Variants in LRCH1 observed in about 807,000 individuals in gnomAD.
The protein encoded by LRCH1 is leucine rich repeats and calponin homology domain containing 1, also known as leucine-rich repeat and calponin homology domain-containing protein 1.
In LRCH1, 23 loss-of-function variants were observed where a neutral mutation model predicts 94.9. The observed-to-expected ratio is 0.24, with a 90% CI of 0.17 to 0.34. The LOEUF (loss-of-function observed/expected upper bound fraction) is 0.34. Among genes scored for constraint, LRCH1 ranks in the 10% least tolerant of loss-of-function variants. The pLI is 1.00. For synonymous variants in LRCH1, 364 were observed against 354.9 expected (o/e 1.03, Z -0.29); for missense variants, 790 against 945.9 (o/e 0.84, Z 2.16).
intron 2 of LRCH1, among the ~76,000 whole-genome samples, chr13:46,663,503 G>T (rs929933804): frequency 6.6e-6 from 1 of 152,088 alleles, no homozygotes. Flanking sequence ...AAAAGGAAAT[G>T]GTTCTCTATG....
intron 1 of LRCH1, among the ~76,000 whole-genome samples, chr13:46,613,606 A>G (rs189774849): frequency 1.3e-5 from 2 of 152,260 alleles, no homozygotes; most frequent in East Asian, 3.9e-4. Flanking sequence ...CTGGTTGCGC[A>G]TTAGAATCAC....
chr13:46,619,113 T>TGCCTTCCTTCC, intron 1 of LRCH1, among the ~76,000 whole-genome samples: 1 of 91,124 alleles, frequency 1.1e-5, no homozygotes, highest in Admixed American at 1.2e-4. Flanking sequence ...CCTTCCTTCC[T>TGCCTTCCTTCC]TTTTTTTGGT....
chr13:46,686,892 C>T (rs1299097171), intron 5 of LRCH1, among the ~76,000 whole-genome samples: 1 of 151,818 alleles, frequency 6.6e-6, no homozygotes. Context: ...CACTCCAACT[C>T]CAGAATTAAA....
At chr13:46,622,456 A>C (rs557627850) in intron 1 of LRCH1, among the ~76,000 whole-genome samples, 30 of 152,320 alleles carry the variant, frequency 2.0e-4, no homozygotes, top group Middle Eastern at 3.4e-3. Flanking sequence ...CTCATTAAAA[A>C]TCAGTGCAAA....
chr13:46,619,113 T>TTCCTTCCTTCATTCCTTCCTTCCTTCC (rs143168003), intron 1 of LRCH1, among the ~76,000 whole-genome samples: 2 of 91,068 alleles, frequency 2.2e-5, no homozygotes, highest in Admixed American at 1.2e-4. Flanking sequence ...CCTTCCTTCC[T>TTCCTTCCTTCATTCCTTCCTTCCTTCC]TTTTTTTGGT....
At chr13:46,597,450 G>A (rs1457654238) in intron 1 of LRCH1, among the ~76,000 whole-genome samples, 6 of 151,860 alleles carry the variant, frequency 4.0e-5, no homozygotes, top group Non-Finnish European at 7.4e-5. Flanking sequence ...TCCGCCTCCC[G>A]GGTTCAAGCA....
At chr13:46,631,916 T>C (rs1414750936) in intron 1 of LRCH1, among the ~76,000 whole-genome samples, 1 of 152,068 alleles carries the variant, frequency 6.6e-6, no homozygotes, top group East Asian at 1.9e-4. Context: ...TAAGACTTAA[T>C]TCAGGCCGGG....
intron 3 of LRCH1, among the ~76,000 whole-genome samples, chr13:46,673,474 CCATATCATTATTTTTAGCTAT>C (rs1156505983): frequency 6.8e-6 from 1 of 147,764 alleles, no homozygotes; most frequent in Non-Finnish European, 1.5e-5. Context: ...CTATAGGTAA[CCATATCATTATTTTTAGCTAT>C]CAATTGGAAA....
At chr13:46,553,860 G>A (rs974114231) in intron 1 of LRCH1, among the ~76,000 whole-genome samples, 157 bp downstream of exon 1, 1 of 152,232 alleles carries the variant, frequency 6.6e-6, no homozygotes, top group Admixed American at 6.5e-5. Context: ...CGTGGGCGCG[G>A]AAGAAGCGGG....
chr13:46,691,614 G>A (rs2138160386), intron 7 of LRCH1, among the ~76,000 whole-genome samples: 1 of 152,370 alleles, frequency 6.6e-6, no homozygotes, highest in East Asian at 1.9e-4. Context: ...GGTGAAGGGA[G>A]TGCCTCCTGT....
At chr13:46,655,226 T>C (rs1357019528) in intron 2 of LRCH1, among the ~76,000 whole-genome samples, 1 of 152,202 alleles carries the variant, frequency 6.6e-6, no homozygotes, top group African/African-American at 2.4e-5. Context: ...TATGTTGTCT[T>C]TAAATGTCAA....
Position 46,741,790 on chromosome 13 carries a change from A to G in LRCH1, c.2234A>G (p.His745Arg). 1.9e-6 allele frequency: 3 copies of G among 1,614,084 alleles called. No homozygotes were observed. Among genetic ancestry groups the G allele is most frequent in the Non-Finnish European group, 2.5e-6 (3 of 1,180,012 alleles). ...SRDLIGFCLVHILFIVLVYIT... is the reference protein window; with the variant it reads ...SRDLIGFCLVRILFIVLVYIT... ...GACCTTATAGGCTTCTGTCTTGTCC[A>G]TATTCTCTTTATAGTGCTGGTCTAT... Residue 745 changes from histidine to arginine, a missense_variant, in exon 20 of 20, where the codon CAT (histidine) becomes CGT (arginine). Coordinates refer to ENST00000389797, the MANE Select transcript of LRCH1 (RefSeq NM_001164211.2).
Position 46,692,646 on chromosome 13 carries a change from G to A in LRCH1, c.1120+5G>A, listed in dbSNP as rs376383372. On this transcript the variant is annotated splice_donor_5th_base_variant and intron_variant, in intron 8 of 19. Coordinates refer to ENST00000389797, the MANE Select transcript of LRCH1 (RefSeq NM_001164211.2). Reference sequence around the variant, plus strand: ...ATCGCCTTAGCCCCGTTAAAGGTCTGAGAATAAAAATGTGGAGAAAGTGCT... The same window carrying A: ...ATCGCCTTAGCCCCGTTAAAGGTCTAAGAATAAAAATGTGGAGAAAGTGCT... 9 of 1,609,082 alleles carry A rather than the reference G, an allele frequency of 5.6e-6. No individual in the cohort carries two copies. Among genetic ancestry groups the A allele is most frequent in the Non-Finnish European group, 7.7e-6 (9 of 1,176,172 alleles).
chr13:46,623,440 C>T (rs540466960), intron 1 of LRCH1, among the ~76,000 whole-genome samples: 4 of 152,204 alleles, frequency 2.6e-5, no homozygotes, highest in African/African-American at 9.6e-5. Context: ...AATAAAATGT[C>T]TATAAAATGT....
In LRCH1 at chr13:46,691,692, C is replaced by CT. The variant is rs200405998; in HGVS notation, c.1015-836dup. Among the ~76,000 whole-genome samples the CT allele has an allele frequency of 8.8e-3, 1,341 of 151,994 alleles. 21 individuals are homozygous for CT. The highest frequency in any genetic ancestry group is 0.03 in the African/African-American group (1,262 of 41,470). On this transcript the variant is annotated intron_variant, in intron 7 of 19. Coordinates refer to ENST00000389797, the MANE Select transcript of LRCH1 (RefSeq NM_001164211.2). ...AGAGCAACGGAGGAGGTGCCATGCA[C>CT]TTTTTTTTGTTTTTTTAAGACGGAG... is the stretch of plus-strand genomic sequence containing the variant.
intron 1 of LRCH1, among the ~76,000 whole-genome samples, chr13:46,620,775 A>G (rs182350043): frequency 1.3e-5 from 2 of 152,352 alleles, no homozygotes; most frequent in Non-Finnish European, 2.9e-5. Context: ...GTATGACTGT[A>G]CTAAGTTAAC....
In LRCH1 at chr13:46,636,059, C is replaced by CTTT. The variant is rs34118906; in HGVS notation, c.308-14116_308-14114dup. 4.2e-4 allele frequency among the ~76,000 whole-genome samples: 31 copies of CTTT among 73,590 alleles called. 6 individuals are homozygous for CTTT. Among genetic ancestry groups the CTTT allele is most frequent in the African/African-American group, 1.4e-3 (26 of 18,082 alleles). The allele number at this position is 73,590 out of a possible 152,430, so 48.3% of individuals were successfully genotyped here. A position where few individuals can be genotyped will look rare whatever the true frequency, so the allele number is the denominator to read the frequency against. On this transcript the variant is annotated intron_variant, in intron 1 of 19. Transcript: ENST00000389797. ...ACAACATCCAACTTACCATGTCAAC[C>CTTT]TTTTTTTTTTTTTTTTTTTTTTTTT...
intron 1 of LRCH1, among the ~76,000 whole-genome samples, chr13:46,634,965 T>A (rs1018282903): frequency 6.6e-6 from 1 of 152,238 alleles, no homozygotes; most frequent in Non-Finnish European, 1.5e-5. Flanking sequence ...ACCAGTTAGA[T>A]ACATGCTCTG....
At chr13:46,647,781 G>C (rs914195262) in intron 1 of LRCH1, among the ~76,000 whole-genome samples, 2 of 145,032 alleles carry the variant, frequency 1.4e-5, no homozygotes, top group African/African-American at 2.6e-5. Flanking sequence ...AAAGGTGCGA[G>C]ATAGGTAGTC....
Sources: gnomAD v4.1 joint callset for allele counts (sites outside exome capture counted in the v4.1 genomes callset) on GRCh38, gnomAD v4.1.1 for gene constraint, MANE v1.5 for transcripts, NCBI Gene and HGNC (gene_info 2026-07-23, HGNC 2026-07-21) for gene names.